The following EPB41L2 variants were observed in gnomAD, a reference collection of about 807,000 sequenced individuals.
The protein encoded by EPB41L2 is erythrocyte membrane protein band 4.1 like 2.
EPB41L2 carries 43 observed loss-of-function variants against 113.0 expected under a neutral mutation model. The ratio of observed to expected loss-of-function variants is 0.38; its 90% CI spans 0.30 to 0.49. The LOEUF is 0.49. Ranked by LOEUF, EPB41L2 falls within the 20% of genes least tolerant of loss-of-function variation. EPB41L2 has a pLI of 0.95. For synonymous variants in EPB41L2, 442 were observed against 436.7 expected, an observed-to-expected ratio of 1.01 and a Z score of -0.15; for missense variants, 1,147 against 1,223.4, an observed-to-expected ratio of 0.94 and a Z score of 0.93.
At chr6:131,022,923 C>G (rs545422276) in intron 1 of EPB41L2, among the ~76,000 whole-genome samples, 3 of 152,188 alleles carry the variant, frequency 2.0e-5, no homozygotes, top group Non-Finnish European at 4.4e-5. Context: ...CCAGACTCAA[C>G]TCTAGAAGAC....
chr6:130,984,418 A>G (rs1780050931), intron 1 of EPB41L2, among the ~76,000 whole-genome samples: 1 of 152,230 alleles, frequency 6.6e-6, no homozygotes, highest in African/African-American at 2.4e-5. Flanking sequence ...GCTGTACAGT[A>G]GGTTTGTTAA....
chr6:130,947,469 A>G (rs1158460386), intron 3 of EPB41L2, among the ~76,000 whole-genome samples: 1 of 152,252 alleles, frequency 6.6e-6, no homozygotes, highest in African/African-American at 2.4e-5. Context: ...GAGTAAACAG[A>G]TGGAAACAAA....
intron 1 of EPB41L2, among the ~76,000 whole-genome samples, chr6:131,043,256 T>G (rs1976982): frequency 0.77 from 117,279 of 151,884 alleles, 45,509 homozygotes; most frequent in East Asian, 0.87. Context: ...AGCCAAAATC[T>G]CGCCGCTGCA....
chr6:130,863,115 A>G (rs780990829), intron 18 of EPB41L2, among the ~76,000 whole-genome samples: 1 of 152,188 alleles, frequency 6.6e-6, no homozygotes, highest in Non-Finnish European at 1.5e-5. Context: ...CTTTTAAAAA[A>G]TTTTCAGAAT....
intron 1 of EPB41L2, among the ~76,000 whole-genome samples, chr6:131,047,964 C>T (rs571417247): frequency 2.0e-5 from 3 of 151,944 alleles, no homozygotes; most frequent in Admixed American, 6.5e-5. Context: ...GATGGTGAAA[C>T]CCTGTCTCTA....
intron 1 of EPB41L2, among the ~76,000 whole-genome samples, chr6:130,956,997 A>G (rs910931828): frequency 2.6e-5 from 4 of 152,210 alleles, no homozygotes; most frequent in African/African-American, 9.7e-5. Context: ...GTATTAGAAA[A>G]AACAGTTTTA....
At chr6:130,927,053 T>C (rs1805003040) in intron 3 of EPB41L2, among the ~76,000 whole-genome samples, 1 of 152,220 alleles carries the variant, frequency 6.6e-6, no homozygotes, top group African/African-American at 2.4e-5. Context: ...AGGTGGCTCA[T>C]ATCTATAAAG....
intron 18 of EPB41L2, among the ~76,000 whole-genome samples, chr6:130,859,456 A>T (rs1781323197): frequency 6.6e-6 from 1 of 151,268 alleles, no homozygotes; most frequent in Non-Finnish European, 1.5e-5. Flanking sequence ...GGCTGCAGTG[A>T]GCCAAGACTG....
intron 1 of EPB41L2, chr6:131,013,507 A>G (rs943848395): frequency 6.6e-6 from 1 of 152,212 alleles, no homozygotes; most frequent in Non-Finnish European, 1.5e-5. Flanking sequence ...TCACTTTATA[A>G]AAGAAATTTT....
intron 1 of EPB41L2, among the ~76,000 whole-genome samples, chr6:131,057,531 C>T (rs890232573): frequency 1.3e-5 from 2 of 152,164 alleles, no homozygotes; most frequent in Non-Finnish European, 1.5e-5. Flanking sequence ...ATGTAGGAAA[C>T]TCTGAAAAAT....
At chr6:130,844,086 G>C (rs1719657025) in intron 19 of EPB41L2, among the ~76,000 whole-genome samples, 1 of 152,216 alleles carries the variant, frequency 6.6e-6, no homozygotes, top group South Asian at 2.1e-4. Flanking sequence ...TACTAGCAAT[G>C]CTGCCTTTAA....
intron 6 of EPB41L2, among the ~76,000 whole-genome samples, chr6:130,903,984 ACT>A (rs2128501855): frequency 6.6e-6 from 1 of 152,292 alleles, no homozygotes; most frequent in South Asian, 2.1e-4. Flanking sequence ...CTAGCTATTG[ACT>A]CTACATAAGA....
chr6:131,011,924 G>A (rs1482805024), intron 1 of EPB41L2, among the ~76,000 whole-genome samples: 1 of 152,206 alleles, frequency 6.6e-6, no homozygotes, highest in Non-Finnish European at 1.5e-5. Flanking sequence ...CAACTTTCCA[G>A]GCCAAGCACA....
At chr6:131,029,893 CTCTTT>C (rs1034997506) in intron 1 of EPB41L2, among the ~76,000 whole-genome samples, 2 of 51,458 alleles carry the variant, frequency 3.9e-5, no homozygotes, top group Admixed American at 1.5e-4. Flanking sequence ...GAGGATTTTT[CTCTTT>C]TTTTCTTTTT....
At chr6:131,025,870 T>C (rs1037250615) in intron 1 of EPB41L2, among the ~76,000 whole-genome samples, 4 of 152,066 alleles carry the variant, frequency 2.6e-5, no homozygotes, top group African/African-American at 9.7e-5. Flanking sequence ...TTGTATGCAG[T>C]ACACAGGGGC....
intron 1 of EPB41L2, among the ~76,000 whole-genome samples, chr6:131,033,619 T>A (rs955742276): frequency 3.9e-5 from 6 of 152,194 alleles, no homozygotes; most frequent in Non-Finnish European, 8.8e-5. Flanking sequence ...GGAATAAAAT[T>A]CTGACACATG....
At chr6:130,982,379 A>AAT (rs1779570957) in intron 1 of EPB41L2, among the ~76,000 whole-genome samples, 2 of 152,310 alleles carry the variant, frequency 1.3e-5, no homozygotes, top group South Asian at 4.1e-4. Flanking sequence ...CTAAGGCTTA[A>AAT]ATATATAACA....
intron 1 of EPB41L2, among the ~76,000 whole-genome samples, chr6:130,998,080 T>A (rs565986843): frequency 2.6e-5 from 4 of 152,190 alleles, no homozygotes; most frequent in Non-Finnish European, 5.9e-5. Flanking sequence ...TTTCATTTAA[T>A]TTCTCACGAC....
intron 8 of EPB41L2, among the ~76,000 whole-genome samples, chr6:130,898,405 A>C (rs926658850): frequency 6.6e-6 from 1 of 152,164 alleles, no homozygotes; most frequent in Non-Finnish European, 1.5e-5. Flanking sequence ...GGGCTTCTAA[A>C]CAACATCTAC....
Sources: gnomAD v4.1 joint callset for allele counts (sites outside exome capture counted in the v4.1 genomes callset) on GRCh38, gnomAD v4.1.1 for gene constraint, MANE v1.5 for transcripts, NCBI Gene and HGNC (gene_info 2026-07-23, HGNC 2026-07-21) for gene names.